Variants in ABCG8 observed in about 807,000 individuals in gnomAD.
ABCG8 encodes the protein ATP-binding cassette sub-family G member 8.
In ABCG8, 81 loss-of-function variants were observed where a neutral mutation model predicts 71.3. The ratio of observed to expected loss-of-function variants is 1.14; its 90% CI spans 0.95 to 1.37. The LOEUF (loss-of-function observed/expected upper bound fraction) is 1.37, where lower values mean the gene tolerates loss of function less well. ABCG8 is among the 40% of genes most tolerant of loss of function. The probability of loss-of-function intolerance (pLI) is 0.00; values close to 1 mark genes in which losing one functional copy is unlikely to be tolerated. For synonymous variants in ABCG8, 451 were observed against 354.7 expected (o/e 1.27, Z -3.05); for missense variants, 1,119 against 866.2 (o/e 1.29, Z -3.66).
chr2:43,857,067 C>T (rs61065227), intron 6 of ABCG8, among the ~76,000 whole-genome samples: 1 of 151,728 alleles, frequency 6.6e-6, no homozygotes, highest in Non-Finnish European at 1.5e-5. Flanking sequence ...GGATAGAATT[C>T]TCACTATCTG....
In ABCG8 at chr2:43,852,616, G is replaced by C; in HGVS notation, c.712G>C (p.Glu238Gln). Residue 238 changes from glutamate to glutamine, a missense_variant, in exon 6 of 13, where the codon GAA becomes CAA. Coordinates refer to ENST00000272286, the MANE Select transcript of ABCG8 (RefSeq NM_022437.3). ...TTGGAAAGGAATCCTTATTCTCGAC[G>C]AACCCACCTCTGGGCTCGACAGCTT... Reference protein sequence around the residue: ...LWNPGILILDEPTSGLDSFTA... With the variant: ...LWNPGILILDQPTSGLDSFTA... 1.2e-6 allele frequency: 2 copies of C among 1,614,138 alleles called. No homozygotes were observed. Among genetic ancestry groups the C allele is most frequent in the Non-Finnish European group, 8.5e-7 (1 of 1,180,026 alleles).
At chr2:43,867,763 C>G (rs530390153) in intron 6 of ABCG8, among the ~76,000 whole-genome samples, 1 of 152,096 alleles carries the variant, frequency 6.6e-6, no homozygotes, top group Non-Finnish European at 1.5e-5. Flanking sequence ...AGAACTGTCA[C>G]TATCTGGAAG....
chr2:43,871,224 C>T (rs1336060150), intron 6 of ABCG8, among the ~76,000 whole-genome samples: 3 of 150,936 alleles, frequency 2.0e-5, no homozygotes, highest in South Asian at 2.1e-4. Context: ...AGAATTCTCA[C>T]CCTCTGGATA....
chr2:43,877,860 C>T lies in ABCG8; in HGVS notation c.1969C>T (p.Leu657=). The T allele has an allele frequency of 6.2e-7, 1 of 1,614,134 alleles. No homozygotes were observed. ...TGGCCTCAGCGGTGGCTTCATGGTC[C>T]TGTACTACGTGTCCTTAAGGTTCAT... is the stretch of plus-strand genomic sequence containing the variant. ...VIGLSGGFMV[L]YYVSLRFIKQ... The change falls in exon 13 of 13, where the codon CTG becomes TTG. Residue 657 remains leucine (L), a synonymous_variant. Coordinates refer to ENST00000272286, the MANE Select transcript of ABCG8 (RefSeq NM_022437.3).
intron 1 of ABCG8, among the ~76,000 whole-genome samples, chr2:43,839,853 G>C (rs1391686707): frequency 6.6e-6 from 1 of 152,204 alleles, no homozygotes; most frequent in Non-Finnish European, 1.5e-5. Context: ...GAGACAGGGT[G>C]ACAGACGGCT....
intron 1 of ABCG8, among the ~76,000 whole-genome samples, chr2:43,841,692 C>G (rs977343787): frequency 6.6e-6 from 1 of 152,104 alleles, no homozygotes; most frequent in African/African-American, 2.4e-5. Flanking sequence ...AACAAGCAAC[C>G]AGGCACCTCT....
At position 43,839,104 on chromosome 2, in the gene ABCG8, C is replaced by A. The variant is rs72647316; in HGVS notation, c.51C>A (p.Pro17=). ...GAGGGCTGCCGAAAGGGGCCACTCC[C>A]CAGGATACCTCGGTGAGTGAGCAAT... is the stretch of plus-strand genomic sequence containing the variant. The part of the protein sequence containing the change: ...EERGLPKGAT[P]QDTSGLQDRL... The change falls in exon 1 of 13, where the codon CCC becomes CCA. Residue 17 remains proline (P), a synonymous_variant. Coordinates refer to ENST00000272286, the MANE Select transcript of ABCG8 (RefSeq NM_022437.3). 2,252 of 1,551,256 alleles carry A rather than the reference C, an allele frequency of 1.5e-3. 27 individuals are homozygous for A. The African/African-American group carries it at 0.028, about 19-fold the overall frequency.
rs1670111814 is a variant in ABCG8, at chr2:43,880,851, A to C, written c.*2938A>C. ...TTTGATTAACCGCCTGCAGGTAAGT[A>C]ATCTCCCATCTACACTGCCACGCCT... On this transcript the variant is annotated 3_prime_UTR_variant, in exon 13 of 13. Coordinates refer to ENST00000272286, the MANE Select transcript of ABCG8 (RefSeq NM_022437.3). The C allele has an allele frequency of 6.6e-6, 1 of 151,940 alleles. No individual in the cohort carries two copies. Among genetic ancestry groups the C allele is most frequent in the Non-Finnish European group, 1.5e-5 (1 of 67,954 alleles). 9.4% of individuals were successfully genotyped at this position (151,940 alleles called of 1,614,324 possible).
At chr2:43,864,344 G>C (rs1011846637) in intron 6 of ABCG8, among the ~76,000 whole-genome samples, 5 of 151,152 alleles carry the variant, frequency 3.3e-5, no homozygotes, top group African/African-American at 9.7e-5. Context: ...TTCACTCTCT[G>C]GATGGAACCC....
rs908131036 is a variant in ABCG8, at chr2:43,881,945, G to GTACAGC, written c.*4033_*4038dup. On this transcript the variant is annotated 3_prime_UTR_variant, in exon 13 of 13. Coordinates refer to ENST00000272286, the MANE Select transcript of ABCG8 (RefSeq NM_022437.3). ...GAGAGCAGCTGTAGACTATAGTAAC[G>GTACAGC]TACAGCCGGTGTGGCTGTCTTCTAA... 6.6e-6 allele frequency: 1 copy of GTACAGC among 152,110 alleles called. No homozygotes were observed. Among genetic ancestry groups the GTACAGC allele is most frequent in the African/African-American group, 2.4e-5 (1 of 41,418 alleles). The allele number at this position is 152,110 out of a possible 1,614,324, so 9.4% of individuals were successfully genotyped here.
chr2:43,872,578 C>T (rs1669820402), intron 8 of ABCG8, among the ~76,000 whole-genome samples: 1 of 151,980 alleles, frequency 6.6e-6, no homozygotes, highest in South Asian at 2.1e-4. Flanking sequence ...TAAAAAGTAG[C>T]CAGTTATGGT....
chr2:43,852,257 C>G, intron 4 of ABCG8, 97 bp from the exon 5 acceptor site: 3 of 1,566,126 alleles, frequency 1.9e-6, no homozygotes, highest in Non-Finnish European at 2.6e-6. Flanking sequence ...CTTTCAAACC[C>G]AGCCGGAGGA....
rs141679476 is a variant in ABCG8 at position 43,877,996 on chromosome 2, G to T, written c.*83G>T. ...CCCTCCTCAGGAGCCCCTTCCTGGG[G>T]ACAGTGAGGACAATGACCCTACAGA... On this transcript the variant is annotated 3_prime_UTR_variant, in exon 13 of 13. Transcript: ENST00000272286. 6.3e-6 allele frequency: 10 copies of T among 1,595,374 alleles called. No individual in the cohort carries two copies. The Admixed American group carries it at 1.7e-4, about 27-fold the overall frequency.
rs116514244 is a variant in ABCG8 at position 43,850,980 on chromosome 2, C to G, written c.323-604C>G. On this transcript the variant is annotated intron_variant, in intron 3 of 12. Coordinates refer to ENST00000272286, the MANE Select transcript of ABCG8 (RefSeq NM_022437.3). The stretch of plus-strand genomic sequence containing the variant: ...GAAGAGAGATGGGTGTAGATACAGT[C>G]AGAACATATATGTACACTGTGCTGT... Among the ~76,000 whole-genome samples, 593 of 151,270 alleles carry G rather than the reference C, an allele frequency of 3.9e-3. 3 individuals carry two copies. The highest frequency in any genetic ancestry group is 6.6e-3 in the Non-Finnish European group (448 of 67,776).
rs1324095677 is a variant in ABCG8 at position 43,879,966 on chromosome 2, T to A, written c.*2053T>A. On this transcript the variant is annotated 3_prime_UTR_variant, in exon 13 of 13. Coordinates refer to ENST00000272286, the MANE Select transcript of ABCG8 (RefSeq NM_022437.3). ...AACTATGTAAATTGTAAACTTTCCA[T>A]TTATGCATTTTAAAATTTTGATTGA... 6.6e-6 allele frequency: 1 copy of A among 152,028 alleles called. No individual in the cohort carries two copies. The highest frequency in any genetic ancestry group is 2.1e-4 in the South Asian group (1 of 4,814). The allele number at this position is 152,028 out of a possible 1,614,324, so 9.4% of individuals were successfully genotyped here.
At chr2:43,855,414 C>G (rs72796759) in intron 6 of ABCG8, among the ~76,000 whole-genome samples, 8,279 of 152,114 alleles carry the variant, frequency 0.054, 271 homozygotes, top group Middle Eastern at 0.11. Context: ...GGACAGAACT[C>G]TCACTATCTA....
chr2:43,842,360 G>C (rs1056440637), intron 1 of ABCG8, among the ~76,000 whole-genome samples: 2 of 152,154 alleles, frequency 1.3e-5, no homozygotes, highest in Non-Finnish European at 2.9e-5. Flanking sequence ...AACAAAAATG[G>C]GACAATGAAG....
At chr2:43,872,822 C>T (rs560046271) in intron 8 of ABCG8, among the ~76,000 whole-genome samples, 19 of 152,192 alleles carry the variant, frequency 1.2e-4, no homozygotes, top group African/African-American at 4.1e-4. Flanking sequence ...GCTGGAAGAT[C>T]GTAGAAATAG....
At chr2:43,851,375 G>A (rs1454542526) in intron 3 of ABCG8, among the ~76,000 whole-genome samples, 1 of 152,240 alleles carries the variant, frequency 6.6e-6, no homozygotes, top group Non-Finnish European at 1.5e-5. Flanking sequence ...CCACAGGGGT[G>A]CTCACGTTGG....
Sources: allele counts gnomAD v4.1 joint callset (sites outside exome capture counted in the v4.1 genomes callset), GRCh38; gene constraint gnomAD v4.1.1; transcripts MANE v1.5; gene names NCBI Gene and HGNC (gene_info 2026-07-23, HGNC 2026-07-21).